Variants in POU2F3 observed in about 807,000 individuals in gnomAD.
POU2F3 encodes the protein POU domain, class 2, transcription factor 3.
A neutral mutation model predicts 59.2 loss-of-function variants in POU2F3; 23 were observed. The observed-to-expected ratio is 0.39, with a 90% CI of 0.28 to 0.55. The LOEUF (loss-of-function observed/expected upper bound fraction) is 0.55. Ranked by LOEUF, POU2F3 falls within the 20% of genes least tolerant of loss-of-function variation. The pLI is 0.66. For synonymous variants in POU2F3, 190 were observed against 214.6 expected (o/e 0.89, Z 1.00); for missense variants, 473 against 544.5 (o/e 0.87, Z 1.31).
At chr11:120,309,718 G>C (rs544146026) in intron 10 of POU2F3, 132 bp downstream of exon 10, 30 of 1,097,382 alleles carry the variant, frequency 2.7e-5, no homozygotes, top group Non-Finnish European at 3.7e-5. Flanking sequence ...ATAGAATATA[G>C]TATAAAGAAG....
intron 12 of POU2F3, among the ~76,000 whole-genome samples, chr11:120,317,987 C>T (rs1452109927): frequency 6.6e-6 from 1 of 152,170 alleles, no homozygotes; most frequent in Non-Finnish European, 1.5e-5. Flanking sequence ...CCCAGCTGTC[C>T]AAATCCAGGC....
intron 7 of POU2F3, 24 bp from the exon 8 acceptor site, chr11:120,305,620 C>T: frequency 6.2e-7 from 1 of 1,611,410 alleles, no homozygotes; most frequent in South Asian, 1.1e-5. Context: ...TCTCATGTTC[C>T]TCCCCCTCGG....
At chr11:120,259,575 C>A (rs1041247177) in intron 2 of POU2F3, among the ~76,000 whole-genome samples, 3 of 152,200 alleles carry the variant, frequency 2.0e-5, no homozygotes, top group Non-Finnish European at 4.4e-5. Context: ...TCCCACAGTC[C>A]CTCATGGGGC....
intron 1 of POU2F3, among the ~76,000 whole-genome samples, chr11:120,242,345 C>T (rs193092319): frequency 2.4e-4 from 37 of 152,220 alleles, no homozygotes; most frequent in African/African-American, 7.0e-4. Context: ...TCTTCCAGTG[C>T]GCACCCTGCT....
intron 3 of POU2F3, among the ~76,000 whole-genome samples, chr11:120,287,526 G>A (rs1352074851): frequency 6.6e-6 from 1 of 152,212 alleles, no homozygotes; most frequent in Non-Finnish European, 1.5e-5. Context: ...ACCTGGGGAT[G>A]TATCAGAGAT....
At chr11:120,307,278 G>A (rs1010157178) in intron 8 of POU2F3, among the ~76,000 whole-genome samples, 1 of 152,224 alleles carries the variant, frequency 6.6e-6, no homozygotes, top group Non-Finnish European at 1.5e-5. Context: ...GACAATGGAG[G>A]GCCACGGAGG....
intron 3 of POU2F3, among the ~76,000 whole-genome samples, chr11:120,273,513 A>C (rs905109561): frequency 6.6e-6 from 1 of 152,160 alleles, no homozygotes; most frequent in Non-Finnish European, 1.5e-5. Context: ...AAGATGTTGA[A>C]TGCCTAGCAA....
chr11:120,292,585 CAA>C (rs1941062254), intron 3 of POU2F3, among the ~76,000 whole-genome samples: 1 of 152,166 alleles, frequency 6.6e-6, no homozygotes. Flanking sequence ...TTTCCCTAGT[CAA>C]AGAACCAGAG....
intron 12 of POU2F3, 26 bp downstream of exon 12, chr11:120,317,390 A>T: frequency 6.2e-7 from 1 of 1,613,652 alleles, no homozygotes; most frequent in Middle Eastern, 1.7e-4. Context: ...CGGTGCAGAG[A>T]CATCCCAGCA....
chr11:120,288,049 A>G (rs1287184142), intron 3 of POU2F3, among the ~76,000 whole-genome samples: 1 of 151,144 alleles, frequency 6.6e-6, no homozygotes, highest in Non-Finnish European at 1.5e-5. Flanking sequence ...ATTGTGAGAA[A>G]GGAAGAAAAA....
intron 5 of POU2F3, 55 bp downstream of exon 5, chr11:120,299,781 CTGCTGTTTTT>C: frequency 6.7e-7 from 1 of 1,503,502 alleles, no homozygotes; most frequent in South Asian, 1.2e-5. Flanking sequence ...GCTGCTGTTG[CTGCTGTTTTT>C]TGCTGGGTGA....
intron 2 of POU2F3, among the ~76,000 whole-genome samples, chr11:120,252,400 G>A (rs2135144357): frequency 6.6e-6 from 1 of 151,852 alleles, no homozygotes; most frequent in Non-Finnish European, 1.5e-5. Context: ...TAGGGACGGG[G>A]TTTCACCGTG....
chr11:120,244,848 A>G (rs1240879982), intron 1 of POU2F3, among the ~76,000 whole-genome samples: 1 of 151,022 alleles, frequency 6.6e-6, no homozygotes, highest in Non-Finnish European at 1.5e-5. Flanking sequence ...CATAGTAGTT[A>G]TTCTGCATAT....
upstream of POU2F3, among the ~76,000 whole-genome samples, chr11:120,238,511 G>A (rs1217687238): frequency 6.6e-6 from 1 of 151,886 alleles, no homozygotes; most frequent in Non-Finnish European, 1.5e-5. Flanking sequence ...CTAAGAAAAG[G>A]CCCTCAGAAC....
intron 3 of POU2F3, among the ~76,000 whole-genome samples, chr11:120,281,218 G>A (rs766955161): frequency 6.6e-6 from 1 of 151,922 alleles, no homozygotes; most frequent in Non-Finnish European, 1.5e-5. Flanking sequence ...AGGTCACAGC[G>A]AGTTTTATGT....
intron 2 of POU2F3, among the ~76,000 whole-genome samples, chr11:120,248,236 T>C (rs992760377): frequency 2.0e-5 from 3 of 152,096 alleles, no homozygotes; most frequent in Non-Finnish European, 2.9e-5. Context: ...ACCAGCCACT[T>C]TGCCTCCCTA....
At chr11:120,298,041 C>T (rs187244893) in intron 3 of POU2F3, among the ~76,000 whole-genome samples, 1 of 151,166 alleles carries the variant, frequency 6.6e-6, no homozygotes, top group East Asian at 2.0e-4. Context: ...ACTACACTAT[C>T]GTTTTTGTCA....
intron 2 of POU2F3, among the ~76,000 whole-genome samples, chr11:120,252,430 A>T (rs2135144437): frequency 6.7e-6 from 1 of 149,388 alleles, no homozygotes; most frequent in East Asian, 2.0e-4. Context: ...CTGGTCTCAA[A>T]CTCCTGACCT....
intron 6 of POU2F3, chr11:120,302,679 G>T: frequency 3.2e-6 from 1 of 311,640 alleles, no homozygotes; most frequent in East Asian, 6.9e-5. Context: ...GCCAGGCTCA[G>T]CTCACTTCTC....
Sources: allele counts gnomAD v4.1 joint callset (sites outside exome capture counted in the v4.1 genomes callset), GRCh38; gene constraint gnomAD v4.1.1; transcripts MANE v1.5; gene names NCBI Gene and HGNC (gene_info 2026-07-23, HGNC 2026-07-21).